The following LRP1B variants were observed in gnomAD, a reference collection of about 807,000 sequenced individuals.
LRP1B encodes the protein LDL receptor related protein 1B, also known as low-density lipoprotein receptor-related protein 1B.
Under a neutral mutation model 556.6 loss-of-function variants are expected in LRP1B, and 217 were observed. The ratio of observed to expected loss-of-function variants is 0.39; its 90% CI spans 0.35 to 0.44. The LOEUF (loss-of-function observed/expected upper bound fraction) is 0.44. Among genes scored for constraint, LRP1B ranks in the 20% least tolerant of loss-of-function variants. The probability of loss-of-function intolerance (pLI) is 1.00; values close to 1 mark genes in which losing one functional copy is unlikely to be tolerated. For synonymous variants in LRP1B, 2,047 were observed against 1,865.8 expected, an observed-to-expected ratio of 1.10 and a Z score of -2.50; for missense variants, 5,053 against 5,620.8, an observed-to-expected ratio of 0.90 and a Z score of 3.23.
chr2:140,993,904 T>C, intron 16 of LRP1B, 91 bp downstream of exon 16: 1 of 1,290,562 alleles, frequency 7.7e-7, no homozygotes, highest in Admixed American at 2.0e-5. Context: ...GCATCAAAGG[T>C]ATTTTCAGAT....
chr2:140,264,183 T>C (rs1304100992), intron 86 of LRP1B, among the ~76,000 whole-genome samples: 1 of 152,114 alleles, frequency 6.6e-6, no homozygotes, highest in African/African-American at 2.4e-5. Context: ...ACCAGTCAGA[T>C]TGGATTCGGG....
At chr2:140,697,339 C>T (rs1444081990) in intron 41 of LRP1B, among the ~76,000 whole-genome samples, 2 of 152,060 alleles carry the variant, frequency 1.3e-5, no homozygotes, top group African/African-American at 2.4e-5. Flanking sequence ...CCTTACAGTT[C>T]ATCAGACCTA....
chr2:141,931,752 T>C (rs1700513562), intron 1 of LRP1B, among the ~76,000 whole-genome samples: 1 of 152,024 alleles, frequency 6.6e-6, no homozygotes, highest in Non-Finnish European at 1.5e-5. Flanking sequence ...AATAAATACA[T>C]GTTTTAGAGA....
In LRP1B at chr2:140,809,963, T is replaced by C. The variant is rs138252573; in HGVS notation, c.5359+3694A>G. On this transcript the variant is annotated intron_variant, in intron 32 of 90. Transcript: ENST00000389484. ...GCCACATATCATCACTTCCGCCTTA[T>C]ACTCTTAATTAAAAATGAGACAGTA... is the stretch of plus-strand genomic sequence containing the variant. Among the ~76,000 whole-genome samples, 241 of 152,254 alleles carry C rather than the reference T, an allele frequency of 1.6e-3. 6 individuals are homozygous for C. The East Asian group carries it at 0.042, about 27-fold the overall frequency.
chr2:141,041,758 G>A (rs1477820270), intron 11 of LRP1B, among the ~76,000 whole-genome samples: 1 of 152,066 alleles, frequency 6.6e-6, no homozygotes, highest in African/African-American at 2.4e-5. Flanking sequence ...ATTAAGAAAT[G>A]ATAAATGTTT....
intron 35 of LRP1B, 42 bp downstream of exon 35, chr2:140,769,171 G>A (rs1352559298): frequency 6.4e-7 from 1 of 1,560,532 alleles, no homozygotes; most frequent in Admixed American, 1.7e-5. Flanking sequence ...AATAAATCAA[G>A]TGAATATATT....
chr2:140,963,902 G>A (rs959500079), intron 18 of LRP1B, among the ~76,000 whole-genome samples: 2 of 152,182 alleles, frequency 1.3e-5, no homozygotes, highest in South Asian at 2.1e-4. Context: ...GTGCGGCGAC[G>A]AGAGAGTGTA....
chr2:142,117,679 A>G (rs1270373802), intron 1 of LRP1B, among the ~76,000 whole-genome samples: 3 of 152,006 alleles, frequency 2.0e-5, no homozygotes, highest in Admixed American at 2.0e-4. Flanking sequence ...CTTTATCTTG[A>G]TAGGCAATAT....
intron 41 of LRP1B, among the ~76,000 whole-genome samples, chr2:140,670,219 TTA>T (rs1353970570): frequency 6.6e-6 from 1 of 152,178 alleles, no homozygotes; most frequent in Non-Finnish European, 1.5e-5. Flanking sequence ...ATGTTTGCAT[TTA>T]TATCCATTGC....
chr2:141,361,336 T>G (rs1002625773), intron 3 of LRP1B, among the ~76,000 whole-genome samples: 1 of 152,290 alleles, frequency 6.6e-6, no homozygotes, highest in East Asian at 1.9e-4. Context: ...TTTTAAAAAC[T>G]GATATCCATT....
intron 7 of LRP1B, among the ~76,000 whole-genome samples, chr2:141,106,769 G>A (rs914670910): frequency 2.0e-5 from 3 of 152,120 alleles, no homozygotes; most frequent in Non-Finnish European, 4.4e-5. Flanking sequence ...ATTCTGTAGC[G>A]TTCTCTCTTT....
chr2:140,994,174 G>A (rs746268701), intron 15 of LRP1B, 39 bp from the exon 16 acceptor site: 5 of 1,568,380 alleles, frequency 3.2e-6, no homozygotes, highest in Non-Finnish European at 4.4e-6. Flanking sequence ...AATAATGCTA[G>A]CTACAGTCAG....
At chr2:141,847,310 T>C (rs1369250820) in intron 1 of LRP1B, among the ~76,000 whole-genome samples, 1 of 151,506 alleles carries the variant, frequency 6.6e-6, no homozygotes, top group African/African-American at 2.4e-5. Context: ...GCTGAATAAG[T>C]AGAAAGATAT....
At position 140,716,878 on chromosome 2, in the gene LRP1B, T is replaced by C. The variant is rs1443393088; in HGVS notation, c.5759-62A>G. On this transcript the variant is annotated intron_variant, in intron 35 of 90. Coordinates refer to ENST00000389484, the MANE Select transcript of LRP1B (RefSeq NM_018557.3). Reference sequence around the variant, plus strand: ...ACACTGTAAAAGGTATCAATATCGGTGTTAGGATCATATTGCAACAGTATC... The same window carrying C: ...ACACTGTAAAAGGTATCAATATCGGCGTTAGGATCATATTGCAACAGTATC... The C allele has an allele frequency of 2.1e-5, 20 of 974,942 alleles. No individual in the cohort carries two copies. The South Asian group carries it at 3.7e-4, about 18-fold the overall frequency. The allele number at this position is 974,942 out of a possible 1,614,324, so 60.4% of individuals were successfully genotyped here. A position where few individuals can be genotyped will look rare whatever the true frequency, so the allele number is the denominator to read the frequency against.
chr2:141,936,070 T>A (rs1700627791), intron 1 of LRP1B, among the ~76,000 whole-genome samples: 1 of 152,192 alleles, frequency 6.6e-6, no homozygotes, highest in African/African-American at 2.4e-5. Context: ...GAAAGGAATT[T>A]CTCTAAACAG....
intron 2 of LRP1B, among the ~76,000 whole-genome samples, chr2:141,777,848 C>T (rs758815099): frequency 2.6e-5 from 4 of 151,852 alleles, no homozygotes; most frequent in Admixed American, 6.6e-5. Context: ...AATGGAAGTT[C>T]GTTTACTTTT....
At position 141,719,266 on chromosome 2, in the gene LRP1B, T is replaced by C. The variant is rs545611896; in HGVS notation, c.205+91013A>G. Among the ~76,000 whole-genome samples, 7 of 152,304 alleles carry C rather than the reference T, an allele frequency of 4.6e-5. No homozygotes were observed. In the South Asian group the frequency reaches 1.4e-3, roughly 32 times the overall value. ...ATCTCAATGCAATCCCATCTATTTA[T>C]TGCTGTTTCTTGGCATGTTATTCAA... On this transcript the variant is annotated intron_variant, in intron 2 of 90. Coordinates refer to ENST00000389484, the MANE Select transcript of LRP1B (RefSeq NM_018557.3).
chr2:141,297,773 G>A (rs1011052147), intron 3 of LRP1B, among the ~76,000 whole-genome samples: 4 of 152,126 alleles, frequency 2.6e-5, no homozygotes, highest in East Asian at 3.9e-4. Flanking sequence ...TAAGATGATA[G>A]TACTGGATTT....
intron 21 of LRP1B, among the ~76,000 whole-genome samples, chr2:140,918,315 C>T (rs1173829719): frequency 6.6e-6 from 1 of 151,660 alleles, no homozygotes; most frequent in East Asian, 1.9e-4. Flanking sequence ...TTTTCTATAA[C>T]TTTGGTGTAC....
Sources: allele counts gnomAD v4.1 joint callset (sites outside exome capture counted in the v4.1 genomes callset), GRCh38; gene constraint gnomAD v4.1.1; transcripts MANE v1.5; gene names NCBI Gene and HGNC (gene_info 2026-07-23, HGNC 2026-07-21).